SLC19A1: variants seen among roughly 807,000 people sequenced by gnomAD.
SLC19A1 encodes the protein solute carrier family 19 member 1.
In SLC19A1, 37 loss-of-function variants were observed where a neutral mutation model predicts 35.3. The ratio of observed to expected loss-of-function variants is 1.05; its 90% CI spans 0.81 to 1.38. The LOEUF (loss-of-function observed/expected upper bound fraction) is 1.38. Ranked by LOEUF, SLC19A1 falls within the 40% of genes most tolerant of loss-of-function variation. The probability of loss-of-function intolerance (pLI) is 0.00; values close to 1 mark genes in which losing one functional copy is unlikely to be tolerated. For synonymous variants in SLC19A1, 460 were observed against 398.5 expected (o/e 1.15, Z -1.84); for missense variants, 831 against 826.9 (o/e 1.00, Z -0.06).
At chr21:45,532,431 C>G (rs571987606) in intron 2 of SLC19A1, among the ~76,000 whole-genome samples, 1 of 152,316 alleles carries the variant, frequency 6.6e-6, no homozygotes, top group Admixed American at 6.5e-5. Context: ...ATCTAAGCTT[C>G]TCTATTTTTA....
intron 1 of SLC19A1, among the ~76,000 whole-genome samples, chr21:45,558,253 AC>A (rs911202713): frequency 6.6e-6 from 1 of 151,874 alleles, no homozygotes; most frequent in Admixed American, 6.5e-5. Context: ...ACAGGCTGAG[AC>A]CCCCCAAGTC....
rs1353635025 is a variant in SLC19A1 at position 45,514,942 on chromosome 21, G to C, written c.*716C>G. On this transcript the variant is annotated 3_prime_UTR_variant, in exon 6 of 6. Coordinates refer to ENST00000311124, the MANE Select transcript of SLC19A1 (RefSeq NM_194255.4). ...GACCGGGACCAGTCCCCTCCGGGCTGGCACAAGTGTGGGAGCAGCTGAGGA... is the reference window on the plus strand; with the variant it reads ...GACCGGGACCAGTCCCCTCCGGGCTCGCACAAGTGTGGGAGCAGCTGAGGA... The C allele has an allele frequency of 2.1e-6, 3 of 1,438,550 alleles. No individual in the cohort carries two copies. The highest frequency in any genetic ancestry group is 2.8e-6 in the Non-Finnish European group (3 of 1,086,686). The allele number at this position is 1,438,550 out of a possible 1,614,324, so 89.1% of individuals were successfully genotyped here. A position where few individuals can be genotyped will look rare whatever the true frequency, so the allele number is the denominator to read the frequency against.
At chr21:45,559,279 C>T (rs751726455) in intron 1 of SLC19A1, among the ~76,000 whole-genome samples, 19 of 152,278 alleles carry the variant, frequency 1.2e-4, no homozygotes, top group Non-Finnish European at 2.5e-4. Flanking sequence ...AACATCGCAA[C>T]GTTGAGGCCG....
intron 1 of SLC19A1, among the ~76,000 whole-genome samples, chr21:45,559,562 G>A (rs1470768421): frequency 6.6e-6 from 1 of 152,146 alleles, no homozygotes; most frequent in African/African-American, 2.4e-5. Flanking sequence ...GCCCCTGCAG[G>A]TACCTGTGGA....
chr21:45,520,213 T>C (rs2077397071), intron 5 of SLC19A1, among the ~76,000 whole-genome samples: 1 of 152,028 alleles, frequency 6.6e-6, no homozygotes, highest in Non-Finnish European at 1.5e-5. Context: ...TAGCATTAGA[T>C]GCATAAATTA....
upstream of SLC19A1, among the ~76,000 whole-genome samples, chr21:45,545,306 C>G (rs139303511): frequency 1.2e-3 from 190 of 152,212 alleles, no homozygotes; most frequent in Non-Finnish European, 1.4e-3. Flanking sequence ...GCACCATCAC[C>G]TTGGTGATGA....
At position 45,533,793 on chromosome 21, in the gene SLC19A1, G is replaced by A. The variant is rs867433806; in HGVS notation, c.190-1645C>T. 1.6e-4 allele frequency among the ~76,000 whole-genome samples: 24 copies of A among 152,150 alleles called. No homozygotes were observed. The highest frequency in any genetic ancestry group is 5.9e-4 in the Admixed American group (9 of 15,288). ...CACGTGGGGTGCTGCGCCGAGCCAC[G>A]CCGCCTCCCCGGGGGCTCTCAGCCT... On this transcript the variant is annotated intron_variant, in intron 2 of 5. Transcript: ENST00000311124. The surrounding 1 kb of genome is among the most constrained non-coding windows in gnomAD (Gnocchi z 4.5).
intron 1 of SLC19A1, among the ~76,000 whole-genome samples, chr21:45,556,875 G>A (rs558176762): frequency 2.0e-5 from 3 of 151,162 alleles, no homozygotes; most frequent in South Asian, 4.1e-4. Flanking sequence ...CAACCGGCCT[G>A]CACGTGTCTC....
downstream of SLC19A1, among the ~76,000 whole-genome samples, chr21:45,511,790 T>A (rs2146146153): frequency 6.6e-6 from 1 of 152,146 alleles, no homozygotes; most frequent in East Asian, 1.9e-4. Context: ...CTGCCAAGGG[T>A]CTCTGACAGG....
rs956760719 is a variant in SLC19A1 at position 45,525,977 on chromosome 21, C to A, written c.1152-19G>T. ...CTGAAAGCTGAACGGGAAGAGCGGG[C>A]AGATCAGGCGCTGCTGGGAGAATAA... On this transcript the variant is annotated intron_variant, in intron 4 of 5. Coordinates refer to ENST00000311124, the MANE Select transcript of SLC19A1 (RefSeq NM_194255.4). 6.2e-7 allele frequency: 1 copy of A among 1,611,148 alleles called. No homozygotes were observed. The highest frequency in any genetic ancestry group is 8.5e-7 in the Non-Finnish European group (1 of 1,178,814).
Position 45,515,790 on chromosome 21 carries a change from CAG to C in SLC19A1, c.1642_1643del (p.Leu548ValfsTer9), listed in dbSNP as rs1194468751. On this transcript the variant is annotated frameshift_variant, in exon 6 of 6. Coordinates refer to ENST00000311124, the MANE Select transcript of SLC19A1 (RefSeq NM_194255.4). LOFTEE classifies it low-confidence loss of function (END_TRUNC). Reference protein sequence around the residue: ...SPVTTPSPCTLCSAQASGPEA... With the variant: ...SPVTTPSPCTXCSAQASGPEA... The stretch of plus-strand genomic sequence containing the variant: ...CAGGGCCTGAGGCTTGGGCGGAGCA[CAG>C]AGTGCAGGGGGAAGGGGTTGTCACT... 3.1e-6 allele frequency: 5 copies of C among 1,613,372 alleles called. No individual in the cohort carries two copies. The highest frequency in any genetic ancestry group is 3.4e-6 in the Non-Finnish European group (4 of 1,179,816).
chr21:45,524,995 C>G (rs890188904), intron 5 of SLC19A1, among the ~76,000 whole-genome samples: 1 of 152,244 alleles, frequency 6.6e-6, no homozygotes. Context: ...CACTCTTGGG[C>G]TGAAGAATGC....
chr21:45,546,106 G>A (rs971587626), upstream of SLC19A1, among the ~76,000 whole-genome samples: 3 of 152,238 alleles, frequency 2.0e-5, no homozygotes, highest in African/African-American at 7.2e-5. Flanking sequence ...CCTGTGTCAG[G>A]CCTCCCAGCA....
chr21:45,522,696 T>G (rs890263478), intron 5 of SLC19A1, among the ~76,000 whole-genome samples: 2 of 152,288 alleles, frequency 1.3e-5, no homozygotes, highest in East Asian at 3.9e-4. Flanking sequence ...GGATGAATGT[T>G]CAGAGAACAG....
At chr21:45,538,901 C>A (rs1395745788) in intron 1 of SLC19A1, among the ~76,000 whole-genome samples, 1 of 152,166 alleles carries the variant, frequency 6.6e-6, no homozygotes, top group Non-Finnish European at 1.5e-5. Context: ...CCCACACGGC[C>A]AGGGCACGTG....
chr21:45,504,864 A>C (rs2146078253), intron 3 of SLC19A1, among the ~76,000 whole-genome samples: 1 of 152,146 alleles, frequency 6.6e-6, no homozygotes, highest in East Asian at 1.9e-4. Flanking sequence ...TCAGTCCTGA[A>C]AGACTCCAGA....
upstream of SLC19A1, among the ~76,000 whole-genome samples, chr21:45,548,524 A>G (rs1031877006): frequency 6.6e-6 from 1 of 152,198 alleles, no homozygotes; most frequent in African/African-American, 2.4e-5. Flanking sequence ...CAGGTTGGTC[A>G]CTTGAAGTCA....
At position 45,534,474 on chromosome 21, in the gene SLC19A1, G is replaced by A; in HGVS notation, c.190-2326C>T. ...AAAATGGTAGACAGCCAGCAGAGAG[G>A]CTCTCCCCAGACCCCACGGCTCTCT... On this transcript the variant is annotated intron_variant, in intron 2 of 5. Coordinates refer to ENST00000311124, the MANE Select transcript of SLC19A1 (RefSeq NM_194255.4). This position sits in a 1 kb window ranked among gnomAD's most constrained non-coding sequence, Gnocchi z 4.2. 7.9e-7 allele frequency: 1 copy of A among 1,262,536 alleles called. No individual in the cohort carries two copies. The highest frequency in any genetic ancestry group is 2.0e-5 in the Admixed American group (1 of 49,700). 78.2% of individuals were successfully genotyped at this position (1,262,536 alleles called of 1,614,324 possible).
intron 3 of SLC19A1, among the ~76,000 whole-genome samples, chr21:45,503,568 T>C (rs558794148): frequency 1.4e-3 from 195 of 141,492 alleles, no homozygotes; most frequent in African/African-American, 4.8e-3. Context: ...TTCTCACTCA[T>C]AGGTGGGAAC....
Sources: allele counts gnomAD v4.1 joint callset (sites outside exome capture counted in the v4.1 genomes callset), GRCh38; gene constraint gnomAD v4.1.1; non-coding constraint Gnocchi (gnomAD v3.1); transcripts MANE v1.5; gene names NCBI Gene and HGNC (gene_info 2026-07-23, HGNC 2026-07-21).